The following PBX3 variants were observed in gnomAD, a reference collection of about 807,000 sequenced individuals.
PBX3 encodes the protein PBX homeobox 3.
PBX3 carries 14 observed loss-of-function variants against 48.5 expected under a neutral mutation model. That is an observed-to-expected ratio of 0.29 (90% CI 0.19 to 0.45). The LOEUF (loss-of-function observed/expected upper bound fraction) is 0.45. Among genes scored for constraint, PBX3 ranks in the 20% least tolerant of loss-of-function variants. PBX3 has a pLI of 1.00. For synonymous variants in PBX3, 210 were observed against 200.3 expected (o/e 1.05, Z -0.41); for missense variants, 386 against 546.7 (o/e 0.71, Z 2.93).
chr9:125,807,199 C>CTG (rs917490459), intron 2 of PBX3, among the ~76,000 whole-genome samples: 16 of 152,142 alleles, frequency 1.1e-4, no homozygotes, highest in Non-Finnish European at 1.9e-4. Flanking sequence ...TGGCATGTGC[C>CTG]TGTAGTCCTA....
intron 5 of PBX3, among the ~76,000 whole-genome samples, chr9:125,943,884 G>C (rs539474950): frequency 1.3e-5 from 2 of 152,326 alleles, no homozygotes; most frequent in Admixed American, 1.3e-4. Flanking sequence ...TGTGGAGAAG[G>C]CCAGTGACTG....
intron 3 of PBX3, among the ~76,000 whole-genome samples, chr9:125,923,148 T>C (rs1364832749): frequency 1.3e-5 from 2 of 152,240 alleles, no homozygotes; most frequent in Non-Finnish European, 1.5e-5. Context: ...AGTTTTTAGA[T>C]GCAGACACTT....
At chr9:125,952,114 G>GA (rs1458341414) in intron 5 of PBX3, among the ~76,000 whole-genome samples, 1 of 152,144 alleles carries the variant, frequency 6.6e-6, no homozygotes, top group African/African-American at 2.4e-5. Flanking sequence ...ACATGACTTA[G>GA]CATTTCAACA....
intron 2 of PBX3, among the ~76,000 whole-genome samples, chr9:125,761,209 T>G (rs981174612): frequency 6.6e-6 from 1 of 151,032 alleles, no homozygotes; most frequent in African/African-American, 2.5e-5. Context: ...ATAGTTTCTT[T>G]TTTCTTTTTT....
chr9:125,770,693 A>C (rs1236783573), intron 2 of PBX3, among the ~76,000 whole-genome samples: 1 of 152,186 alleles, frequency 6.6e-6, no homozygotes, highest in East Asian at 1.9e-4. Flanking sequence ...GTTCAGGCAA[A>C]TCAGACTTGG....
chr9:125,888,115 AAG>A (rs1385549680), intron 2 of PBX3, among the ~76,000 whole-genome samples: 2 of 152,210 alleles, frequency 1.3e-5, no homozygotes, highest in Admixed American at 6.5e-5. Context: ...TTAGACGTAA[AAG>A]AAATGTTACC....
At chr9:125,885,534 T>C (rs1355540591) in intron 2 of PBX3, among the ~76,000 whole-genome samples, 1 of 152,118 alleles carries the variant, frequency 6.6e-6, no homozygotes, top group Non-Finnish European at 1.5e-5. Flanking sequence ...AAGCAACACA[T>C]TCATTTTAAT....
intron 2 of PBX3, among the ~76,000 whole-genome samples, chr9:125,837,842 G>A (rs1481382580): frequency 1.3e-5 from 2 of 151,844 alleles, no homozygotes; most frequent in East Asian, 1.9e-4. Context: ...CGCCCACTTC[G>A]GCCTTCCAAA....
At chr9:125,836,924 G>C (rs1161229002) in intron 2 of PBX3, among the ~76,000 whole-genome samples, 1 of 152,194 alleles carries the variant, frequency 6.6e-6, no homozygotes, top group East Asian at 1.9e-4. Context: ...CTTAGAAATT[G>C]CTAGTGGGAA....
chr9:125,778,701 C>T (rs1837151105), intron 2 of PBX3, among the ~76,000 whole-genome samples: 1 of 149,752 alleles, frequency 6.7e-6, no homozygotes, highest in Non-Finnish European at 1.5e-5. Context: ...TAGACACAGC[C>T]CGTGTCTCCC....
At chr9:125,813,112 A>C (rs1008736855) in intron 2 of PBX3, among the ~76,000 whole-genome samples, 1 of 152,188 alleles carries the variant, frequency 6.6e-6, no homozygotes, top group African/African-American at 2.4e-5. Flanking sequence ...CCTTTTTACT[A>C]TATAAACTTT....
intron 6 of PBX3, 22 bp downstream of exon 6, chr9:125,960,871 C>T (rs746693726): frequency 6.2e-7 from 1 of 1,606,786 alleles, no homozygotes; most frequent in Non-Finnish European, 8.5e-7. Context: ...GGGCTCGCTC[C>T]CCAACTGGCC....
intron 2 of PBX3, among the ~76,000 whole-genome samples, chr9:125,783,864 G>T (rs1158949908): frequency 6.6e-6 from 1 of 151,988 alleles, no homozygotes; most frequent in Admixed American, 6.5e-5. Flanking sequence ...AGCTGGGCAT[G>T]GTGGCGCACG....
chr9:125,912,524 C>T (rs556954981), intron 2 of PBX3, among the ~76,000 whole-genome samples: 2 of 152,196 alleles, frequency 1.3e-5, no homozygotes, highest in East Asian at 3.9e-4. Context: ...AAACTGTAGG[C>T]TTATAACAAA....
intron 2 of PBX3, among the ~76,000 whole-genome samples, chr9:125,793,366 AATATATAT>A (rs1554855765): frequency 2.0e-5 from 2 of 101,976 alleles, no homozygotes; most frequent in Non-Finnish European, 1.8e-5. Context: ...GGAAAAAAAA[AATATATAT>A]ATATATATAT....
chr9:125,853,553 GC>G (rs2132267614), intron 2 of PBX3, among the ~76,000 whole-genome samples: 1 of 152,246 alleles, frequency 6.6e-6, no homozygotes, highest in African/African-American at 2.4e-5. Flanking sequence ...GCCACAAATG[GC>G]CCCCTAACAA....
Position 125,915,797 on chromosome 9 carries a change from C to T in PBX3, c.386C>T (p.Ser129Leu), listed in dbSNP as rs749944206. 5.0e-6 allele frequency: 8 copies of T among 1,613,440 alleles called. No homozygotes were observed. The African/African-American group carries it at 5.3e-5, about 11-fold the overall frequency. ...GVSGPEKGGG[S>L]AAAAAAAAAS... ...TCAGGTCCTGAGAAAGGTGGGGGAT[C>T]GGCGGCAGCAGCTGCAGCCGCGGCA... The change falls in exon 3 of 9, where the codon TCG becomes TTG. Residue 129 changes from serine (S) to leucine (L), a missense_variant. By Grantham distance (145) the Ser-to-Leu change is moderately radical (BLOSUM62 -2). Transcript: ENST00000373489.
intron 5 of PBX3, among the ~76,000 whole-genome samples, chr9:125,957,783 C>T (rs1842340041): frequency 6.6e-6 from 1 of 152,184 alleles, no homozygotes; most frequent in East Asian, 1.9e-4. Context: ...ATTAATTATG[C>T]TTAAGAAATA....
Position 125,747,432 on chromosome 9 carries a change from G to C in PBX3, c.-22G>C. On this transcript the variant is annotated 5_prime_UTR_variant, in exon 1 of 9. Coordinates refer to ENST00000373489, the MANE Select transcript of PBX3 (RefSeq NM_006195.6). ...TCAGCCTTCGCCTCAGCCGCCGCCC[G>C]CTCCCGCCCGCGCGCGGCGGGATGG... The C allele has an allele frequency of 7.9e-7, 1 of 1,267,046 alleles. No individual in the cohort carries two copies. Among genetic ancestry groups the C allele is most frequent in the Non-Finnish European group, 1.0e-6 (1 of 984,196 alleles). 78.5% of individuals were successfully genotyped at this position (1,267,046 alleles called of 1,614,324 possible).
Sources: gnomAD v4.1 joint callset for allele counts (sites outside exome capture counted in the v4.1 genomes callset) on GRCh38, gnomAD v4.1.1 for gene constraint, MANE v1.5 for transcripts, NCBI Gene and HGNC (gene_info 2026-07-23, HGNC 2026-07-21) for gene names.